The following ATXN2 variants were observed in gnomAD, a reference collection of about 807,000 sequenced individuals.
ATXN2 encodes the protein ataxin 2.
A neutral mutation model predicts 138.6 loss-of-function variants in ATXN2; 37 were observed. The ratio of observed to expected loss-of-function variants is 0.27; its 90% CI spans 0.21 to 0.35. The LOEUF is 0.35. Ranked by LOEUF, ATXN2 falls within the 10% of genes least tolerant of loss-of-function variation. The probability of loss-of-function intolerance (pLI) is 1.00; values close to 1 mark genes in which losing one functional copy is unlikely to be tolerated. For synonymous variants in ATXN2, 549 were observed against 543.7 expected (o/e 1.01, Z -0.13); for missense variants, 1,216 against 1,480.3 (o/e 0.82, Z 2.93).
intron 14 of ATXN2, among the ~76,000 whole-genome samples, chr12:111,495,598 A>G (rs1210271219): frequency 6.6e-6 from 1 of 152,202 alleles, no homozygotes; most frequent in Non-Finnish European, 1.5e-5. Flanking sequence ...ATATAAAGCA[A>G]ACATTATTAG....
intron 1 of ATXN2, among the ~76,000 whole-genome samples, chr12:111,589,312 A>AAC (rs956378662): frequency 4.6e-5 from 7 of 151,466 alleles, no homozygotes; most frequent in South Asian, 2.1e-4. Context: ...AAGATCCTGC[A>AAC]ACACACACAC....
At chr12:111,591,376 A>ATAAAAG (rs985494088) in intron 1 of ATXN2, among the ~76,000 whole-genome samples, 10 of 152,120 alleles carry the variant, frequency 6.6e-5, no homozygotes, top group African/African-American at 2.4e-4. Flanking sequence ...AAAAATAAAA[A>ATAAAAG]TAAAGGGAGG....
intron 18 of ATXN2, among the ~76,000 whole-genome samples, chr12:111,483,419 A>C (rs966855580): frequency 2.0e-5 from 3 of 150,732 alleles, no homozygotes; most frequent in African/African-American, 7.3e-5. Context: ...GCAAAAAAAA[A>C]ACCCTTTAGC....
intron 5 of ATXN2, among the ~76,000 whole-genome samples, chr12:111,550,460 C>CT (rs893872203): frequency 1.2e-4 from 18 of 151,118 alleles, no homozygotes; most frequent in African/African-American, 2.4e-4. Flanking sequence ...AGTAGGGAAC[C>CT]TTTTTTTTTG....
intron 5 of ATXN2, among the ~76,000 whole-genome samples, chr12:111,530,643 T>C (rs1228376500): frequency 1.3e-5 from 2 of 152,204 alleles, no homozygotes; most frequent in Admixed American, 6.5e-5. Flanking sequence ...TGAAACCCCA[T>C]CTCTACTAAA....
chr12:111,566,939 G>A (rs1396710226), intron 1 of ATXN2, among the ~76,000 whole-genome samples: 1 of 152,062 alleles, frequency 6.6e-6, no homozygotes, highest in African/African-American at 2.4e-5. Context: ...TGCCCAACCA[G>A]GAAATTGCTT....
chr12:111,507,587 G>A (rs1486906715), intron 14 of ATXN2, among the ~76,000 whole-genome samples: 2 of 151,172 alleles, frequency 1.3e-5, no homozygotes, highest in African/African-American at 2.4e-5. Flanking sequence ...GAGGTGGGGG[G>A]CACCTCTGCC....
chr12:111,525,447 T>A, intron 5 of ATXN2, 131 bp from the exon 6 acceptor site: 1 of 1,102,324 alleles, frequency 9.1e-7, no homozygotes, highest in Non-Finnish European at 1.2e-6. Flanking sequence ...TTGTTTAACT[T>A]AAAATCTAAC....
intron 1 of ATXN2, among the ~76,000 whole-genome samples, chr12:111,577,976 ACC>A (rs1883772037): frequency 6.6e-6 from 1 of 151,496 alleles, no homozygotes; most frequent in African/African-American, 2.4e-5. Flanking sequence ...CGGGTGGATC[ACC>A]TGAGGTCAGG....
intron 15 of ATXN2, among the ~76,000 whole-genome samples, chr12:111,487,787 T>C (rs1365977024): frequency 3.3e-4 from 50 of 152,064 alleles, no homozygotes; most frequent in Admixed American, 3.3e-3. Context: ...GTAATTCTTA[T>C]GTGAGAAGAT....
chr12:111,565,743 C>T (rs1184888360), intron 1 of ATXN2, among the ~76,000 whole-genome samples: 3 of 152,166 alleles, frequency 2.0e-5, no homozygotes, highest in Non-Finnish European at 2.9e-5. Flanking sequence ...CACCTACAAT[C>T]CCAGCACTTT....
chr12:111,462,973 T>C (rs549880325), intron 21 of ATXN2, among the ~76,000 whole-genome samples: 14,882 of 136,254 alleles, frequency 0.11, 2,459 homozygotes, highest in African/African-American at 0.38. Flanking sequence ...CATATATATA[T>C]ATATACACAC....
intron 18 of ATXN2, among the ~76,000 whole-genome samples, chr12:111,483,955 C>G (rs1877454741): frequency 1.3e-5 from 2 of 151,650 alleles, no homozygotes; most frequent in African/African-American, 2.4e-5. Flanking sequence ...GCTAAGATTT[C>G]TATTTTTTTT....
chr12:111,568,051 AG>A (rs1450000647), intron 1 of ATXN2, among the ~76,000 whole-genome samples: 1 of 152,128 alleles, frequency 6.6e-6, no homozygotes, highest in Non-Finnish European at 1.5e-5. Context: ...ATCTGAGGTC[AG>A]GAACTCAAGA....
At chr12:111,465,802 TGA>T (rs1425639123) in intron 20 of ATXN2, among the ~76,000 whole-genome samples, 1 of 114,484 alleles carries the variant, frequency 8.7e-6, no homozygotes, top group Non-Finnish European at 1.8e-5. Flanking sequence ...AGAGTAGATG[TGA>T]GAGGAAAAAA....
upstream of ATXN2, chr12:111,599,394 CCCGCCCGCTCCGCCGCG>C (rs1885151303): frequency 8.6e-7 from 1 of 1,164,610 alleles, no homozygotes; most frequent in African/African-American, 1.6e-5. Flanking sequence ...CCACCGCCGC[CCCGCCCGCTCCGCCGCG>C]CCGGCCGCTG....
In ATXN2 at chr12:111,525,327, T is replaced by C. The variant is rs1042167686; in HGVS notation, c.572-11A>G. The C allele has an allele frequency of 3.9e-6, 6 of 1,554,408 alleles. No homozygotes were observed. The South Asian group carries it at 7.5e-5, about 19-fold the overall frequency. The stretch of plus-strand genomic sequence containing the variant: ...AGTCAGTAAAAGCATCTGCAAAGAA[T>C]GGTTTTGGTTGAAAGTTTATATAAT... On this transcript the variant is annotated splice_polypyrimidine_tract_variant and intron_variant, in intron 5 of 24. Coordinates refer to ENST00000673436, the MANE Select transcript of ATXN2 (RefSeq NM_001372574.1).
At chr12:111,567,239 C>T (rs927013980) in intron 1 of ATXN2, among the ~76,000 whole-genome samples, 3 of 152,076 alleles carry the variant, frequency 2.0e-5, no homozygotes, top group Non-Finnish European at 4.4e-5. Context: ...TGGTGGCTCA[C>T]ACTTGTAATC....
chr12:111,489,122 T>C (rs972244980), intron 14 of ATXN2, among the ~76,000 whole-genome samples: 2 of 152,102 alleles, frequency 1.3e-5, no homozygotes, highest in Admixed American at 1.3e-4. Context: ...CACTTCACAA[T>C]AAAATGAGTA....
Sources: gnomAD v4.1 joint callset for allele counts (sites outside exome capture counted in the v4.1 genomes callset) on GRCh38, gnomAD v4.1.1 for gene constraint, MANE v1.5 for transcripts, NCBI Gene and HGNC (gene_info 2026-07-23, HGNC 2026-07-21) for gene names.